The following ANTXR2 variants were observed in gnomAD, a reference collection of about 807,000 sequenced individuals.
ANTXR2 encodes anthrax toxin receptor 2.
Under a neutral mutation model 73.7 loss-of-function variants are expected in ANTXR2, and 44 were observed. The observed-to-expected ratio is 0.60, with a 90% CI of 0.47 to 0.77. ANTXR2 has a LOEUF of 0.77. ANTXR2 is among the 30% of genes least tolerant of loss of function. The pLI is 0.00. For synonymous variants in ANTXR2, 217 were observed against 205.9 expected (o/e 1.05, Z -0.46); for missense variants, 604 against 592.5 (o/e 1.02, Z -0.20).
chr4:80,031,805 T>C, intron 9 of ANTXR2, 113 bp from the exon 10 acceptor site: 1 of 515,720 alleles, frequency 1.9e-6, no homozygotes, highest in East Asian at 3.8e-5. Context: ...ATACTAGATA[T>C]ATTAACATAA....
intron 7 of ANTXR2, among the ~76,000 whole-genome samples, chr4:80,053,922 C>CA (rs761732167): frequency 6.6e-6 from 1 of 151,710 alleles, no homozygotes. Context: ...AATCACACAT[C>CA]AATCCAAATT....
intron 16 of ANTXR2, among the ~76,000 whole-genome samples, chr4:79,921,976 A>G (rs1389930157): frequency 6.6e-6 from 1 of 152,026 alleles, no homozygotes; most frequent in Non-Finnish European, 1.5e-5. Flanking sequence ...TCACTATTTA[A>G]TTTTGAATAT....
At chr4:80,015,508 A>G (rs1220710230) in intron 11 of ANTXR2, among the ~76,000 whole-genome samples, 1 of 152,238 alleles carries the variant, frequency 6.6e-6, no homozygotes, top group South Asian at 2.1e-4. Flanking sequence ...TTTCTCTTAC[A>G]TGTCATTACT....
intron 16 of ANTXR2, among the ~76,000 whole-genome samples, chr4:79,949,430 A>G (rs1439738907): frequency 6.6e-6 from 1 of 152,226 alleles, no homozygotes; most frequent in Non-Finnish European, 1.5e-5. Context: ...GTGGGTGACC[A>G]TACTGTCATA....
chr4:80,030,764 C>T (rs1032662625), intron 10 of ANTXR2, among the ~76,000 whole-genome samples: 14 of 152,028 alleles, frequency 9.2e-5, no homozygotes, highest in African/African-American at 3.4e-4. Context: ...CATTTTCAGT[C>T]TCTAAATACT....
At chr4:79,919,329 T>TA (rs1727473729) in intron 16 of ANTXR2, among the ~76,000 whole-genome samples, 2 of 152,312 alleles carry the variant, frequency 1.3e-5, no homozygotes, top group South Asian at 4.1e-4. Flanking sequence ...TTAATTTTAC[T>TA]ATTTGTTATT....
chr4:79,918,048 A>C (rs1451462569), intron 16 of ANTXR2, among the ~76,000 whole-genome samples: 1 of 152,118 alleles, frequency 6.6e-6, no homozygotes, highest in African/African-American at 2.4e-5. Context: ...TACCAAAACT[A>C]AAGAGAAAAT....
chr4:79,917,054 A>C (rs1419428498), intron 16 of ANTXR2, among the ~76,000 whole-genome samples: 1 of 152,200 alleles, frequency 6.6e-6, no homozygotes, highest in East Asian at 1.9e-4. Context: ...TTACACAATA[A>C]AAAGAAATCC....
At chr4:79,946,671 T>C (rs1296131141) in intron 16 of ANTXR2, among the ~76,000 whole-genome samples, 1 of 152,168 alleles carries the variant, frequency 6.6e-6, no homozygotes, top group East Asian at 1.9e-4. Flanking sequence ...TAGCACATCA[T>C]AGTACCCACT....
At chr4:79,949,046 T>C (rs752817384) in intron 16 of ANTXR2, among the ~76,000 whole-genome samples, 1 of 152,156 alleles carries the variant, frequency 6.6e-6, no homozygotes, top group Non-Finnish European at 1.5e-5. Flanking sequence ...TCAGAAAATA[T>C]TACCTCTTAA....
At chr4:79,932,946 G>T (rs951693068) in intron 16 of ANTXR2, among the ~76,000 whole-genome samples, 2 of 152,046 alleles carry the variant, frequency 1.3e-5, no homozygotes, top group African/African-American at 4.8e-5. Context: ...CTCCTTAGTG[G>T]CATAAAGGAG....
At chr4:80,059,660 G>T (rs567849434) in intron 3 of ANTXR2, among the ~76,000 whole-genome samples, 1 of 152,092 alleles carries the variant, frequency 6.6e-6, no homozygotes, top group East Asian at 1.9e-4. Flanking sequence ...GCCCAGGCTT[G>T]GCTAATTTTT....
intron 10 of ANTXR2, among the ~76,000 whole-genome samples, chr4:80,028,110 T>C (rs1483287711): frequency 3.3e-5 from 5 of 152,158 alleles, no homozygotes; most frequent in Non-Finnish European, 7.4e-5. Context: ...ATGACCATTC[T>C]TTCTGTTTAA....
At chr4:80,041,727 T>C (rs776031438) in intron 7 of ANTXR2, among the ~76,000 whole-genome samples, 1 of 152,148 alleles carries the variant, frequency 6.6e-6, no homozygotes, top group Non-Finnish European at 1.5e-5. Flanking sequence ...TGTTTGGTTT[T>C]ATGTTCCTGC....
intron 16 of ANTXR2, among the ~76,000 whole-genome samples, chr4:79,912,265 T>C (rs1023473123): frequency 2.6e-5 from 4 of 151,952 alleles, no homozygotes; most frequent in Non-Finnish European, 5.9e-5. Flanking sequence ...TATTCAGATA[T>C]CAGTTATGTT....
In ANTXR2 at chr4:79,903,116, T is replaced by G. The variant is rs1012751936; in HGVS notation, c.*4313A>C. The G allele has an allele frequency of 6.7e-6, 1 of 149,340 alleles. No homozygotes were observed. Among genetic ancestry groups the G allele is most frequent in the Non-Finnish European group, 1.5e-5 (1 of 67,642 alleles). 9.3% of individuals were successfully genotyped at this position (149,340 alleles called of 1,614,324 possible). A position where few individuals can be genotyped will look rare whatever the true frequency, so the allele number is the denominator to read the frequency against. On this transcript the variant is annotated 3_prime_UTR_variant, in exon 17 of 17. Transcript: ENST00000403729. ...GTCAGCCCAGACCATGCCATTGAAC[T>G]CCAGCCTGGGTGACAGAGTGAGACT... is the stretch of plus-strand genomic sequence containing the variant.
At chr4:80,046,824 G>A (rs1394373245) in intron 7 of ANTXR2, among the ~76,000 whole-genome samples, 1 of 151,710 alleles carries the variant, frequency 6.6e-6, no homozygotes, top group East Asian at 1.9e-4. Context: ...CTTGAACACA[G>A]CCCAGTACCC....
intron 3 of ANTXR2, among the ~76,000 whole-genome samples, chr4:80,064,280 T>C (rs921360095): frequency 6.6e-6 from 1 of 152,184 alleles, no homozygotes; most frequent in Non-Finnish European, 1.5e-5. Context: ...TAAATATTTA[T>C]AACTGATTTG....
intron 16 of ANTXR2, among the ~76,000 whole-genome samples, chr4:79,966,127 G>GACACACACACACACACACAC (rs10549471): frequency 1.3e-4 from 19 of 149,408 alleles, no homozygotes; most frequent in Admixed American, 2.7e-4. Context: ...CTAGGACTTA[G>GACACACACACACACACACAC]ACACACACAC....
Sources: allele counts gnomAD v4.1 joint callset (sites outside exome capture counted in the v4.1 genomes callset), GRCh38; gene constraint gnomAD v4.1.1; transcripts MANE v1.5; gene names NCBI Gene and HGNC (gene_info 2026-07-23, HGNC 2026-07-21).